The following STAU1 variants were observed in gnomAD, a reference collection of about 807,000 sequenced individuals.
STAU1 encodes double-stranded RNA-binding protein Staufen homolog 1.
A neutral mutation model predicts 62.9 loss-of-function variants in STAU1; 13 were observed. The ratio of observed to expected loss-of-function variants is 0.21; its 90% CI spans 0.13 to 0.33. The LOEUF (loss-of-function observed/expected upper bound fraction) is 0.33. Ranked by LOEUF, STAU1 falls within the 10% of genes least tolerant of loss-of-function variation. The pLI is 1.00. For missense variants in STAU1, 571 were observed against 712.1 expected (o/e 0.80, Z 2.25); for synonymous variants, 269 against 265.1 (o/e 1.01, Z -0.14).
intron 4 of STAU1, among the ~76,000 whole-genome samples, chr20:49,153,251 G>GGAAAAAAAAAAAAAAAAAA (rs1379385445): frequency 9.1e-5 from 9 of 99,076 alleles, no homozygotes; most frequent in African/African-American, 2.8e-4. Context: ...CTCCGTCTCA[G>GGAAAAAAAAAAAAAAAAAA]AAAAAAAAAA....
rs1178184993 is a variant in STAU1, at chr20:49,124,432, C to G, written c.765G>C (p.Leu255=). ...VLEELKKLPP[L]PAVERVKPRI... Reference sequence around the variant, plus strand: ...TAGGCTTTACTCGTTCAACTGCAGGCAGGGGCGGTAACTTCTTCAGCTCCT... The same window carrying G: ...TAGGCTTTACTCGTTCAACTGCAGGGAGGGGCGGTAACTTCTTCAGCTCCT... The change falls in exon 7 of 14, where the codon CTG becomes CTC. Residue 255 remains leucine (L), a synonymous_variant. Transcript: ENST00000371856. 5.6e-6 allele frequency: 9 copies of G among 1,614,198 alleles called. No homozygotes were observed. The highest frequency in any genetic ancestry group is 7.6e-6 in the Non-Finnish European group (9 of 1,180,028).
At chr20:49,191,177 G>T (rs1318042704), upstream of STAU1, among the ~76,000 whole-genome samples, 1 of 151,900 alleles carries the variant, frequency 6.6e-6, no homozygotes, top group Non-Finnish European at 1.5e-5. Context: ...ACAGGCGCTT[G>T]CCACCATGCC....
chr20:49,122,999 T>G, intron 8 of STAU1, 93 bp downstream of exon 8: 1 of 1,349,236 alleles, frequency 7.4e-7, no homozygotes, highest in Non-Finnish European at 9.7e-7. Context: ...GGATCCAGCC[T>G]CCTCAGGAAG....
intron 6 of STAU1, among the ~76,000 whole-genome samples, chr20:49,127,637 C>A (rs190520238): frequency 6.6e-6 from 1 of 152,186 alleles, no homozygotes; most frequent in Admixed American, 6.5e-5. Flanking sequence ...ACCCCAGAGG[C>A]GGAGGTTGCA....
chr20:49,159,217 G>A (rs1290216819), intron 3 of STAU1: 7 of 959,846 alleles, frequency 7.3e-6, no homozygotes, highest in African/African-American at 5.3e-5. Context: ...TTCCCCATCC[G>A]GTGCTACCTG....
chr20:49,205,389 G>A, the STAU1 span, among the ~76,000 whole-genome samples: 2 of 116,524 alleles, frequency 1.7e-5, no homozygotes, highest in African/African-American at 3.1e-5. Context: ...TTTTTGAGAT[G>A]GAGTCTTGCC....
chr20:49,149,084 C>G (rs1205925329), intron 5 of STAU1, among the ~76,000 whole-genome samples: 1 of 152,098 alleles, frequency 6.6e-6, no homozygotes, highest in African/African-American at 2.4e-5. Context: ...AACCCCATCT[C>G]TACTAAAAAT....
At chr20:49,126,873 A>C (rs1439118367) in intron 6 of STAU1, among the ~76,000 whole-genome samples, 2 of 150,746 alleles carry the variant, frequency 1.3e-5, no homozygotes, top group Admixed American at 1.3e-4. Context: ...GGGTGGGGGG[A>C]AGAAAAAAAA....
At chr20:49,213,250 A>G in the STAU1 span, among the ~76,000 whole-genome samples, 1 of 150,650 alleles carries the variant, frequency 6.6e-6, no homozygotes, top group Non-Finnish European at 1.5e-5. Flanking sequence ...TTTTTTTTTT[A>G]GACAGAGTTT....
At chr20:49,195,903 A>AAAAAAAAAAAAAAAAAAAAAAAAG in the STAU1 span, among the ~76,000 whole-genome samples, 1 of 94,394 alleles carries the variant, frequency 1.1e-5, no homozygotes, top group Non-Finnish European at 2.3e-5. Flanking sequence ...CCTCTCAAAA[A>AAAAAAAAAAAAAAAAAAAAAAAAG]AAAAAAAAAA....
intron 9 of STAU1, 85 bp from the exon 10 acceptor site, chr20:49,118,493 A>G: frequency 9.4e-7 from 1 of 1,058,828 alleles, no homozygotes; most frequent in Non-Finnish European, 1.4e-6. Flanking sequence ...AATCTACACA[A>G]AGTCCAGTCA....
chr20:49,151,493 C>A, intron 5 of STAU1, 89 bp downstream of exon 5: 1 of 1,312,758 alleles, frequency 7.6e-7, no homozygotes, highest in Non-Finnish European at 1.0e-6. Context: ...TGTCAATGTG[C>A]CTTCTTAGAA....
chr20:49,138,745 C>T (rs1403743775), intron 5 of STAU1, among the ~76,000 whole-genome samples: 1 of 152,074 alleles, frequency 6.6e-6, no homozygotes, highest in Non-Finnish European at 1.5e-5. Flanking sequence ...GCAACCCTCC[C>T]ACCTCAACCT....
At position 49,117,483 on chromosome 20, in the gene STAU1, A is replaced by G. The variant is rs1469495453; in HGVS notation, c.1510-235T>C. Among the ~76,000 whole-genome samples the G allele has an allele frequency of 6.6e-6, 1 of 152,246 alleles. No individual in the cohort carries two copies. The highest frequency in any genetic ancestry group is 1.5e-5 in the Non-Finnish European group (1 of 68,052). On this transcript the variant is annotated intron_variant, in intron 11 of 13. Coordinates refer to ENST00000371856, the MANE Select transcript of STAU1 (RefSeq NM_017453.4). This position sits in a 1 kb window ranked among gnomAD's most constrained non-coding sequence, Gnocchi z 4.6. ...CCTTTCCTACCAGACAGAAAGTGTC[A>G]GCACGATGAGTCTGTTCTTTGAAAT...
chr20:49,217,695 T>TA, the STAU1 span, among the ~76,000 whole-genome samples: 4 of 97,562 alleles, frequency 4.1e-5, no homozygotes, highest in African/African-American at 8.7e-5. Context: ...ATATATATAT[T>TA]TTTAGGCCAG....
At chr20:49,188,918 G>C (rs369361896), upstream of STAU1, among the ~76,000 whole-genome samples, 39 of 152,200 alleles carry the variant, frequency 2.6e-4, no homozygotes, top group East Asian at 2.7e-3. Flanking sequence ...AAAAGACAAT[G>C]GCCCGGGCGC....
chr20:49,157,757 C>T (rs2093384437), intron 3 of STAU1, among the ~76,000 whole-genome samples: 3 of 151,996 alleles, frequency 2.0e-5, no homozygotes, highest in Middle Eastern at 3.4e-3. Context: ...GGATTACAGG[C>T]GTGAGCCACC....
rs2092541871 is a variant in STAU1, at chr20:49,124,370, C to G, written c.822+5G>C. The G allele has an allele frequency of 3.1e-6, 5 of 1,613,250 alleles. No individual in the cohort carries two copies. The South Asian group carries it at 4.4e-5, about 14-fold the overall frequency. On this transcript the variant is annotated splice_donor_5th_base_variant and intron_variant, in intron 7 of 13. Coordinates refer to ENST00000371856, the MANE Select transcript of STAU1 (RefSeq NM_017453.4). ...AACACCTTCTGTGTTCAGAAAAGTT[C>G]TCACCTTGACTATGGGTTTTGTTTT... is the stretch of plus-strand genomic sequence containing the variant.
chr20:49,147,286 A>G (rs1028353005), intron 5 of STAU1, among the ~76,000 whole-genome samples: 3 of 152,210 alleles, frequency 2.0e-5, no homozygotes, highest in African/African-American at 7.2e-5. Flanking sequence ...AGTTCACAGG[A>G]AAAGGGATGG....
Sources: gnomAD v4.1 joint callset for allele counts (sites outside exome capture counted in the v4.1 genomes callset) on GRCh38, gnomAD v4.1.1 for gene constraint, Gnocchi (gnomAD v3.1) non-coding constraint, MANE v1.5 for transcripts, NCBI Gene and HGNC (gene_info 2026-07-23, HGNC 2026-07-21) for gene names.